The following CUX1 variants were observed in gnomAD, a reference collection of about 807,000 sequenced individuals.
CUX1 encodes the protein cut like homeobox 1.
CUX1 carries 31 observed loss-of-function variants against 158.8 expected under a neutral mutation model. The ratio of observed to expected loss-of-function variants is 0.20; its 90% CI spans 0.15 to 0.26. CUX1 has a LOEUF of 0.26. Ranked by LOEUF, CUX1 falls within the 10% of genes least tolerant of loss-of-function variation. The probability of loss-of-function intolerance (pLI) is 1.00; values close to 1 mark genes in which losing one functional copy is unlikely to be tolerated. For missense variants in CUX1, 1,589 were observed against 2,014.6 expected (o/e 0.79, Z 4.04); for synonymous variants, 879 against 862.1 (o/e 1.02, Z -0.34).
At chr7:101,900,217 C>T (rs4729760) in intron 1 of CUX1, among the ~76,000 whole-genome samples, 31,539 of 152,096 alleles carry the variant, frequency 0.21, 5,015 homozygotes, top group East Asian at 0.84. Flanking sequence ...TGAGGATTGA[C>T]GCGGCCCCTT....
At chr7:102,064,586 G>C (rs1825326111) in intron 3 of CUX1, among the ~76,000 whole-genome samples, 1 of 152,238 alleles carries the variant, frequency 6.6e-6, no homozygotes, top group African/African-American at 2.4e-5. Flanking sequence ...AGTCAGGCGG[G>C]TGTGTGGGGG....
intron 4 of CUX1, among the ~76,000 whole-genome samples, chr7:102,072,200 C>G (rs1258939932): frequency 6.6e-6 from 1 of 152,230 alleles, no homozygotes; most frequent in Non-Finnish European, 1.5e-5. Flanking sequence ...GTGGGCTGAG[C>G]AGCCGCTCAA....
intron 2 of CUX1, among the ~76,000 whole-genome samples, chr7:101,956,854 C>T (rs756081751): frequency 2.6e-5 from 4 of 152,100 alleles, no homozygotes; most frequent in Non-Finnish European, 4.4e-5. Flanking sequence ...GAGGCCAAGG[C>T]GGGAGGATCG....
chr7:102,128,329 G>C (rs977303261), intron 8 of CUX1, among the ~76,000 whole-genome samples: 3 of 152,162 alleles, frequency 2.0e-5, no homozygotes, highest in Non-Finnish European at 4.4e-5. Context: ...CAGAGACCCT[G>C]ACTCTGGTCC....
chr7:101,890,343 G>T (rs1800744315), intron 1 of CUX1, among the ~76,000 whole-genome samples: 1 of 152,110 alleles, frequency 6.6e-6, no homozygotes, highest in South Asian at 2.1e-4. Flanking sequence ...AGGTCCAGAG[G>T]TGCTAAAATC....
chr7:102,249,186 G>A lies in CUX1; in HGVS notation c.*144G>A, dbSNP rs1476936777. 2.7e-6 allele frequency: 3 copies of A among 1,131,474 alleles called. No homozygotes were observed. The highest frequency in any genetic ancestry group is 2.2e-6 in the Non-Finnish European group (2 of 921,814). The allele number at this position is 1,131,474 out of a possible 1,614,324, so 70.1% of individuals were successfully genotyped here. A position where few individuals can be genotyped will look rare whatever the true frequency, so the allele number is the denominator to read the frequency against. Reference sequence around the variant, plus strand: ...GGGCCGGACCTGAGCCCGCAGCCCAGACCCCCTCCACGGTCCGCGGCCTGC... The same window carrying A: ...GGGCCGGACCTGAGCCCGCAGCCCAAACCCCCTCCACGGTCCGCGGCCTGC... On this transcript the variant is annotated 3_prime_UTR_variant, in exon 24 of 24. Coordinates refer to ENST00000292535, the MANE Select transcript of CUX1 (RefSeq NM_181552.4).
chr7:102,141,020 G>A (rs1474340200), intron 8 of CUX1, among the ~76,000 whole-genome samples: 2 of 152,106 alleles, frequency 1.3e-5, no homozygotes, highest in African/African-American at 4.8e-5. Context: ...AGGATGGAGG[G>A]CGTTCTTAAA....
At chr7:102,064,719 C>G (rs1378498949) in intron 3 of CUX1, among the ~76,000 whole-genome samples, 1 of 152,102 alleles carries the variant, frequency 6.6e-6, no homozygotes, top group Non-Finnish European at 1.5e-5. Context: ...TGTGTTGTGT[C>G]TGGTACTGGG....
intron 8 of CUX1, among the ~76,000 whole-genome samples, chr7:102,139,391 G>T (rs1320392223): frequency 4.6e-5 from 7 of 151,998 alleles, no homozygotes; most frequent in African/African-American, 1.7e-4. Context: ...ACATTGTATT[G>T]ATACATTGAT....
chr7:102,240,696 TAATG>T (rs1800102925), intron 23 of CUX1, among the ~76,000 whole-genome samples: 1 of 152,240 alleles, frequency 6.6e-6, no homozygotes, highest in Non-Finnish European at 1.5e-5. Flanking sequence ...GTTCATGAGT[TAATG>T]AAGACAGATT....
In CUX1 at chr7:102,249,560, G is replaced by A. The variant is rs1586440893; in HGVS notation, c.*518G>A. The stretch of plus-strand genomic sequence containing the variant: ...GCTTTGCCTTGTGTCCTCCTGTTCC[G>A]TGTGGGCTTTAAAAGAAAAAAAATC... On this transcript the variant is annotated 3_prime_UTR_variant, in exon 24 of 24. Coordinates refer to ENST00000292535, the MANE Select transcript of CUX1 (RefSeq NM_181552.4). 2 of 985,454 alleles carry A rather than the reference G, an allele frequency of 2.0e-6. No homozygotes were observed. Among genetic ancestry groups the A allele is most frequent in the Admixed American group, 6.2e-5 (1 of 16,238 alleles). The allele number at this position is 985,454 out of a possible 1,614,324, so 61.0% of individuals were successfully genotyped here. A position where few individuals can be genotyped will look rare whatever the true frequency, so the allele number is the denominator to read the frequency against.
At chr7:102,059,866 G>A (rs956209340) in intron 3 of CUX1, among the ~76,000 whole-genome samples, 22 of 152,078 alleles carry the variant, frequency 1.4e-4, no homozygotes, top group Admixed American at 7.2e-4. Context: ...AGAGCTCATC[G>A]ATTTGAAAAT....
intron 2 of CUX1, among the ~76,000 whole-genome samples, chr7:101,984,436 G>A (rs1416519428): frequency 6.8e-6 from 1 of 147,386 alleles, no homozygotes; most frequent in Non-Finnish European, 1.5e-5. Flanking sequence ...AAAGGACGGT[G>A]TAAATATTCT....
At chr7:101,984,117 TATATATATATATACAC>T (rs1203054246) in intron 2 of CUX1, among the ~76,000 whole-genome samples, 4 of 47,144 alleles carry the variant, frequency 8.5e-5, no homozygotes, top group African/African-American at 2.9e-4. Flanking sequence ...TATATATATA[TATATATATATATACAC>T]ACACACATAT....
intron 8 of CUX1, among the ~76,000 whole-genome samples, chr7:102,145,325 C>G (rs532504238): frequency 2.3e-4 from 35 of 151,820 alleles, no homozygotes; most frequent in African/African-American, 8.5e-4. Flanking sequence ...CTCCTCTGTC[C>G]TCATGCTTTC....
chr7:102,099,286 G>C (rs1480320136), intron 5 of CUX1, among the ~76,000 whole-genome samples: 4 of 152,074 alleles, frequency 2.6e-5, no homozygotes, highest in Non-Finnish European at 5.9e-5. Flanking sequence ...GACTAGAAGG[G>C]ACAACTCTGT....
chr7:102,129,364 T>C (rs1832976837), intron 8 of CUX1, among the ~76,000 whole-genome samples: 1 of 146,214 alleles, frequency 6.8e-6, no homozygotes, highest in Non-Finnish European at 1.5e-5. Context: ...CAGCTGCAAA[T>C]GCCTTCATAG....
At chr7:102,108,577 A>G (rs1018848137) in intron 6 of CUX1, among the ~76,000 whole-genome samples, 3 of 152,178 alleles carry the variant, frequency 2.0e-5, no homozygotes, top group Non-Finnish European at 4.4e-5. Context: ...ACTTCAGGTT[A>G]TCTGCCCGCC....
At chr7:102,111,564 GT>G (rs1830883519) in intron 6 of CUX1, 133 bp from the exon 7 acceptor site, 3 of 739,960 alleles carry the variant, frequency 4.1e-6, no homozygotes, top group Admixed American at 4.4e-5. Flanking sequence ...CACACGTGTC[GT>G]TGCGGGCGAT....
Sources: gnomAD v4.1 joint callset for allele counts (sites outside exome capture counted in the v4.1 genomes callset) on GRCh38, gnomAD v4.1.1 for gene constraint, MANE v1.5 for transcripts, NCBI Gene and HGNC (gene_info 2026-07-23, HGNC 2026-07-21) for gene names.